Variants in ZFPM2 observed in about 807,000 individuals in gnomAD.
The protein encoded by ZFPM2 is zinc finger protein, FOG family member 2, also known as zinc finger protein ZFPM2.
In ZFPM2, 20 loss-of-function variants were observed where a neutral mutation model predicts 98.6. The ratio of observed to expected loss-of-function variants is 0.20; its 90% CI spans 0.14 to 0.29. The LOEUF is 0.29. Among genes scored for constraint, ZFPM2 ranks in the 10% least tolerant of loss-of-function variants. The pLI is 1.00. For missense variants in ZFPM2, 1,310 were observed against 1,388.6 expected (o/e 0.94, Z 0.90); for synonymous variants, 518 against 502.7 (o/e 1.03, Z -0.41).
intron 4 of ZFPM2, among the ~76,000 whole-genome samples, chr8:105,588,205 T>C (rs1430910951): frequency 1.3e-5 from 2 of 152,176 alleles, no homozygotes; most frequent in Non-Finnish European, 2.9e-5. Context: ...TTAGGTGATA[T>C]TTGATCTAAG....
chr8:105,332,028 A>G (rs1812242718), intron 1 of ZFPM2, among the ~76,000 whole-genome samples: 1 of 151,686 alleles, frequency 6.6e-6, no homozygotes, highest in South Asian at 2.1e-4. Flanking sequence ...GCACTTCCCT[A>G]TCCAACTCCT....
At chr8:105,481,232 T>C (rs1813111292) in intron 3 of ZFPM2, among the ~76,000 whole-genome samples, 1 of 152,210 alleles carries the variant, frequency 6.6e-6, no homozygotes, top group Non-Finnish European at 1.5e-5. Flanking sequence ...TAATTTTCTC[T>C]ATTTGTTTTG....
At chr8:105,769,216 C>T (rs1812929115) in intron 5 of ZFPM2, among the ~76,000 whole-genome samples, 1 of 151,948 alleles carries the variant, frequency 6.6e-6, no homozygotes. Flanking sequence ...TTATGAAACA[C>T]CCATTATCTT....
chr8:105,409,884 G>A (rs1449758533), intron 1 of ZFPM2, among the ~76,000 whole-genome samples: 1 of 151,844 alleles, frequency 6.6e-6, no homozygotes, highest in African/African-American at 2.4e-5. Context: ...TGATGCTAAT[G>A]CTGCTGGTCC....
chr8:105,385,329 T>C (rs1470040137), intron 1 of ZFPM2, among the ~76,000 whole-genome samples: 3 of 152,326 alleles, frequency 2.0e-5, no homozygotes, highest in South Asian at 2.1e-4. Context: ...TATTTCTGTC[T>C]ATTCTTAGTA....
At chr8:105,424,600 A>G (rs1335863450) in intron 2 of ZFPM2, among the ~76,000 whole-genome samples, 1 of 152,016 alleles carries the variant, frequency 6.6e-6, no homozygotes, top group Non-Finnish European at 1.5e-5. Context: ...AAAGCATATT[A>G]AAGAAAATAG....
chr8:105,376,029 T>C (rs1810718603), intron 1 of ZFPM2, among the ~76,000 whole-genome samples: 1 of 152,170 alleles, frequency 6.6e-6, no homozygotes, highest in Non-Finnish European at 1.5e-5. Flanking sequence ...TTGTTTCTAT[T>C]CTTTCATTTC....
intron 3 of ZFPM2, among the ~76,000 whole-genome samples, chr8:105,523,545 T>G (rs1814107566): frequency 6.6e-6 from 1 of 152,170 alleles, no homozygotes; most frequent in Admixed American, 6.6e-5. Context: ...AGGTTATGCC[T>G]TTTTAGACAT....
chr8:105,385,143 ACAACACCT>A (rs1480982550), intron 1 of ZFPM2, among the ~76,000 whole-genome samples: 2 of 152,134 alleles, frequency 1.3e-5, no homozygotes, highest in African/African-American at 4.8e-5. Context: ...AAATAATAAA[ACAACACCT>A]CTGGCACAAC....
chr8:105,761,311 C>T (rs922830132), intron 5 of ZFPM2, among the ~76,000 whole-genome samples: 1 of 151,958 alleles, frequency 6.6e-6, no homozygotes, highest in African/African-American at 2.4e-5. Context: ...CTCTGTGCTC[C>T]ACATTTCCTT....
chr8:105,758,148 C>G (rs1175570621), intron 5 of ZFPM2, among the ~76,000 whole-genome samples: 2 of 152,088 alleles, frequency 1.3e-5, no homozygotes, highest in Non-Finnish European at 2.9e-5. Flanking sequence ...TTTCAACAAA[C>G]TTTCCTAAGT....
chr8:105,423,850 G>C lies in ZFPM2; in HGVS notation c.199+4548G>C, dbSNP rs73302132. Among the ~76,000 whole-genome samples, 889 of 152,314 alleles carry C rather than the reference G, an allele frequency of 5.8e-3. 4 individuals are homozygous for C. The highest frequency in any genetic ancestry group is 0.02 in the African/African-American group (835 of 41,570). On this transcript the variant is annotated intron_variant, in intron 2 of 7. Transcript: ENST00000407775. Reference sequence around the variant, plus strand: ...AGACAGTGAGTTTCAGAGTGGGATTGGCGTGGAGCAGTTCTAATTAATAAT... The same window carrying C: ...AGACAGTGAGTTTCAGAGTGGGATTCGCGTGGAGCAGTTCTAATTAATAAT...
At chr8:105,460,647 A>G (rs1238883082) in intron 3 of ZFPM2, among the ~76,000 whole-genome samples, 1 of 152,162 alleles carries the variant, frequency 6.6e-6, no homozygotes, top group East Asian at 1.9e-4. Flanking sequence ...ATCATTAATA[A>G]GTATTTGTGT....
chr8:105,502,393 T>A (rs1371580029), intron 3 of ZFPM2, among the ~76,000 whole-genome samples: 1 of 151,924 alleles, frequency 6.6e-6, no homozygotes, highest in East Asian at 1.9e-4. Context: ...GGGTTGAAAC[T>A]GAAGAGTTAC....
At chr8:105,519,733 A>T (rs911137468) in intron 3 of ZFPM2, among the ~76,000 whole-genome samples, 1 of 152,096 alleles carries the variant, frequency 6.6e-6, no homozygotes, top group Non-Finnish European at 1.5e-5. Flanking sequence ...ATATAGGAAC[A>T]CTTGACTTCA....
At position 105,480,018 on chromosome 8, in the gene ZFPM2, A is replaced by G. The variant is rs1355534194; in HGVS notation, c.301+35637A>G. Reference sequence around the variant, plus strand: ...CACTTGAACTCCCCGTTGAGCATCAAATAGTGGTAGGTAACCACTAGCTGT... The same window carrying G: ...CACTTGAACTCCCCGTTGAGCATCAGATAGTGGTAGGTAACCACTAGCTGT... On this transcript the variant is annotated intron_variant, in intron 3 of 7. Transcript: ENST00000407775. Among the ~76,000 whole-genome samples, 5 of 152,230 alleles carry G rather than the reference A, an allele frequency of 3.3e-5. No individual in the cohort carries two copies. The South Asian group carries it at 8.3e-4, about 25-fold the overall frequency.
intron 4 of ZFPM2, among the ~76,000 whole-genome samples, chr8:105,607,474 A>G (rs970117994): frequency 2.6e-5 from 4 of 152,074 alleles, no homozygotes; most frequent in African/African-American, 9.7e-5. Flanking sequence ...TCATCTCCCA[A>G]TTAATGAGTT....
At chr8:105,356,494 C>T (rs913746960) in intron 1 of ZFPM2, among the ~76,000 whole-genome samples, 9 of 152,146 alleles carry the variant, frequency 5.9e-5, no homozygotes, top group African/African-American at 1.9e-4. Context: ...TTTGTAAGAT[C>T]AAAAGGATCT....
chr8:105,607,010 T>G (rs1816210333), intron 4 of ZFPM2, among the ~76,000 whole-genome samples: 1 of 152,126 alleles, frequency 6.6e-6, no homozygotes, highest in African/African-American at 2.4e-5. Context: ...AGCCACTCTC[T>G]TCATAAGACC....
Sources: gnomAD v4.1 joint callset for allele counts (sites outside exome capture counted in the v4.1 genomes callset) on GRCh38, gnomAD v4.1.1 for gene constraint, MANE v1.5 for transcripts, NCBI Gene and HGNC (gene_info 2026-07-23, HGNC 2026-07-21) for gene names.